The following SCGB2B2 variants were observed in gnomAD, a reference collection of about 807,000 sequenced individuals.
SCGB2B2 encodes the protein secretoglobin family 2B member 2, also known as secretoglobin-like protein.
SCGB2B2 carries 11 observed loss-of-function variants against 7.6 expected under a neutral mutation model. The observed-to-expected ratio is 1.45, with a 90% CI of 0.91 to 2.40. The LOEUF (loss-of-function observed/expected upper bound fraction) is 2.40, where lower values mean the gene tolerates loss of function less well. SCGB2B2 is among the 30% of genes most tolerant of loss of function. SCGB2B2 has a pLI of 0.00. For missense variants in SCGB2B2, 104 were observed against 115.4 expected (o/e 0.90, Z 0.45); for synonymous variants, 50 against 48.6 (o/e 1.03, Z -0.12).
chr19:34,609,308 T>C (rs2065868466), intron 1 of SCGB2B2, among the ~76,000 whole-genome samples: 2 of 152,166 alleles, frequency 1.3e-5, no homozygotes, highest in African/African-American at 4.8e-5. Flanking sequence ...TCCTTTGCTG[T>C]GCCGAAGCTT....
chr19:34,641,132 G>A (rs1341570044), intron 1 of SCGB2B2, among the ~76,000 whole-genome samples: 1 of 151,728 alleles, frequency 6.6e-6, no homozygotes, highest in African/African-American at 2.4e-5. Flanking sequence ...CTGCTTATAT[G>A]CCTGGACTTT....
At chr19:34,652,080 C>CA (rs1025557225) in intron 1 of SCGB2B2, among the ~76,000 whole-genome samples, 60 of 149,684 alleles carry the variant, frequency 4.0e-4, no homozygotes, top group Non-Finnish European at 7.4e-4. Flanking sequence ...ATCCGTATGC[C>CA]AAAAAAAATG....
At chr19:34,607,273 A>G (rs2065807302) in intron 1 of SCGB2B2, among the ~76,000 whole-genome samples, 1 of 152,178 alleles carries the variant, frequency 6.6e-6, no homozygotes, top group Non-Finnish European at 1.5e-5. Flanking sequence ...TTTATAAAAC[A>G]TAGAAAGATA....
At chr19:34,663,971 G>GCCCAC (rs918660856) in intron 1 of SCGB2B2, among the ~76,000 whole-genome samples, 11 of 61,412 alleles carry the variant, frequency 1.8e-4, no homozygotes, top group East Asian at 7.1e-4. Flanking sequence ...TGTCCTCCCC[G>GCCCAC]CCCACCCCAC....
At chr19:34,643,808 A>T (rs893101992) in intron 1 of SCGB2B2, among the ~76,000 whole-genome samples, 14 of 152,200 alleles carry the variant, frequency 9.2e-5, no homozygotes, top group Middle Eastern at 3.2e-3. Flanking sequence ...GTTTCAAAAA[A>T]ATATTAATTT....
chr19:34,617,784 C>G (rs2066126055), intron 1 of SCGB2B2, among the ~76,000 whole-genome samples: 1 of 152,164 alleles, frequency 6.6e-6, no homozygotes, highest in Non-Finnish European at 1.5e-5. Flanking sequence ...GGGAATGCTT[C>G]CAGTTTTTGC....
chr19:34,624,453 C>G (rs2066315616), intron 1 of SCGB2B2, among the ~76,000 whole-genome samples: 1 of 152,172 alleles, frequency 6.6e-6, no homozygotes, highest in East Asian at 1.9e-4. Context: ...ATCACAGAAG[C>G]AGCAATTCTT....
intron 1 of SCGB2B2, chr19:34,646,188 T>G: frequency 6.3e-6 from 1 of 159,330 alleles, no homozygotes; most frequent in Non-Finnish European, 1.4e-5. Flanking sequence ...CCCAGGATGC[T>G]CATGATCAGA....
intron 1 of SCGB2B2, among the ~76,000 whole-genome samples, chr19:34,617,670 C>A (rs2066122388): frequency 6.6e-6 from 1 of 152,168 alleles, no homozygotes; most frequent in South Asian, 2.1e-4. Context: ...AACTGAATAC[C>A]CTTTATTTCG....
chr19:34,586,003 A>G (rs1357252602), downstream of SCGB2B2, among the ~76,000 whole-genome samples: 3 of 152,224 alleles, frequency 2.0e-5, no homozygotes, highest in Non-Finnish European at 4.4e-5. Context: ...ACATATACCT[A>G]AAGTGTATAG....
chr19:34,626,577 G>A (rs898492290), intron 1 of SCGB2B2, among the ~76,000 whole-genome samples: 16 of 152,218 alleles, frequency 1.1e-4, no homozygotes, highest in Admixed American at 2.6e-4. Flanking sequence ...AAAAAGAAAC[G>A]AACAAAGCCT....
intron 1 of SCGB2B2, among the ~76,000 whole-genome samples, chr19:34,597,389 G>T (rs780719089): frequency 2.6e-5 from 4 of 152,086 alleles, no homozygotes; most frequent in Non-Finnish European, 5.9e-5. Context: ...GACATTGGGG[G>T]TGGTGGTGGC....
intron 1 of SCGB2B2, among the ~76,000 whole-genome samples, chr19:34,603,765 CATA>C (rs2065696040): frequency 6.8e-6 from 1 of 146,696 alleles, no homozygotes; most frequent in Admixed American, 6.9e-5. Context: ...ACAAAGTTTC[CATA>C]ATATCTTATT....
chr19:34,629,824 G>C (rs986022312), intron 1 of SCGB2B2, among the ~76,000 whole-genome samples: 1 of 151,966 alleles, frequency 6.6e-6, no homozygotes, highest in African/African-American at 2.4e-5. Flanking sequence ...TAAGCCAAAA[G>C]AACAAAGCTG....
intron 1 of SCGB2B2, among the ~76,000 whole-genome samples, chr19:34,601,690 TA>T (rs922048446): frequency 3.3e-5 from 5 of 152,216 alleles, no homozygotes; most frequent in Non-Finnish European, 7.3e-5. Flanking sequence ...ATTCAGCATT[TA>T]AAAAAACTTT....
At position 34,594,967 on chromosome 19, in the gene SCGB2B2, C is replaced by CTGAG. The variant is rs1172600744; in HGVS notation, c.-408_-405dup. 4.5e-6 allele frequency: 1 copy of CTGAG among 221,138 alleles called. No homozygotes were observed. The highest frequency in any genetic ancestry group is 9.1e-6 in the Non-Finnish European group (1 of 109,554). 13.7% of individuals were successfully genotyped at this position (221,138 alleles called of 1,614,324 possible). On this transcript the variant is annotated 5_prime_UTR_variant, in exon 2 of 4. The change creates a premature stop within an existing upstream ORF in the 5' untranslated region. Coordinates refer to ENST00000601241, the MANE Select transcript of SCGB2B2 (RefSeq NM_001025591.4). ...GCACGCCCTAGCACAGAATCTGCCA[C>CTGAG]TGAGTGCTGGCTCAACAAACATTTG...
intron 1 of SCGB2B2, among the ~76,000 whole-genome samples, chr19:34,618,498 A>C (rs1030657797): frequency 6.6e-6 from 1 of 152,226 alleles, no homozygotes; most frequent in Non-Finnish European, 1.5e-5. Context: ...TCATACCCGC[A>C]GACTTTCCTT....
chr19:34,644,502 C>T (rs1308429612), intron 1 of SCGB2B2, among the ~76,000 whole-genome samples: 3 of 152,058 alleles, frequency 2.0e-5, no homozygotes, highest in African/African-American at 7.2e-5. Flanking sequence ...ACTTTTTCAT[C>T]ATTTCAAACA....
At chr19:34,611,694 G>T (rs1166937622) in intron 1 of SCGB2B2, among the ~76,000 whole-genome samples, 1 of 151,446 alleles carries the variant, frequency 6.6e-6, no homozygotes, top group African/African-American at 2.4e-5. Context: ...GTGTTGCCCA[G>T]GCTGGAGTGC....
Sources: allele counts gnomAD v4.1 joint callset (sites outside exome capture counted in the v4.1 genomes callset), GRCh38; gene constraint gnomAD v4.1.1; transcripts MANE v1.5; gene names NCBI Gene and HGNC (gene_info 2026-07-23, HGNC 2026-07-21).